Variants in CDH2 observed in about 807,000 individuals in gnomAD.
The protein encoded by CDH2 is cadherin-2.
In CDH2, 17 loss-of-function variants were observed where a neutral mutation model predicts 92.0. That is an observed-to-expected ratio of 0.18 (90% CI 0.13 to 0.28). The LOEUF is 0.28. CDH2 is among the 10% of genes least tolerant of loss of function. CDH2 has a pLI of 1.00. For synonymous variants in CDH2, 419 were observed against 415.9 expected, an observed-to-expected ratio of 1.01 and a Z score of -0.09; for missense variants, 862 against 1,133.1, an observed-to-expected ratio of 0.76 and a Z score of 3.44.
intron 2 of CDH2, among the ~76,000 whole-genome samples, chr18:28,137,867 A>G (rs1036994543): frequency 2.6e-5 from 4 of 152,184 alleles, no homozygotes; most frequent in African/African-American, 9.6e-5. Context: ...TTACTTTCAT[A>G]TATCTGCAGT....
chr18:28,154,488 T>C (rs1258724221), intron 1 of CDH2, among the ~76,000 whole-genome samples: 1 of 152,250 alleles, frequency 6.6e-6, no homozygotes, highest in Non-Finnish European at 1.5e-5. Flanking sequence ...TCGACCTCCT[T>C]GTCTAGAGAG....
intron 9 of CDH2, 56 bp downstream of exon 9, chr18:27,992,599 A>G: frequency 7.0e-7 from 1 of 1,424,054 alleles, no homozygotes; most frequent in Non-Finnish European, 9.7e-7. Context: ...TGGGGGACAT[A>G]TATTGGTCCT....
chr18:28,014,403 C>A (rs1271768362), intron 2 of CDH2, among the ~76,000 whole-genome samples: 2 of 152,082 alleles, frequency 1.3e-5, no homozygotes, highest in East Asian at 3.8e-4. Context: ...TCCTGCATAC[C>A]CTGCATACTT....
downstream of CDH2, among the ~76,000 whole-genome samples, chr18:27,947,416 C>G (rs375054311): frequency 1.3e-5 from 2 of 151,714 alleles, no homozygotes; most frequent in Non-Finnish European, 3.0e-5. Context: ...AAACTGTTAG[C>G]TTTTCACAAT....
intron 6 of CDH2, among the ~76,000 whole-genome samples, chr18:27,933,522 C>T (rs1327951513): frequency 6.6e-6 from 1 of 152,064 alleles, no homozygotes; most frequent in Non-Finnish European, 1.5e-5. Context: ...CAATAAGTAG[C>T]TCTCTGTTTG....
intron 6 of CDH2, among the ~76,000 whole-genome samples, chr18:27,934,779 A>G (rs1038804023): frequency 2.0e-5 from 3 of 152,184 alleles, no homozygotes; most frequent in Non-Finnish European, 4.4e-5. Flanking sequence ...CACTGGAAGC[A>G]AGTGGAAGAT....
intron 15 of CDH2, among the ~76,000 whole-genome samples, chr18:27,953,757 C>T (rs1909577363): frequency 6.6e-6 from 1 of 152,114 alleles, no homozygotes; most frequent in Admixed American, 6.5e-5. Flanking sequence ...ACCTCATCTA[C>T]AACTGTAATC....
chr18:28,146,808 T>C (rs1470422581), intron 2 of CDH2: 1 of 152,118 alleles, frequency 6.6e-6, no homozygotes, highest in African/African-American at 2.4e-5. Flanking sequence ...AGCAGCTCTC[T>C]AAAACAGCCT....
At position 28,144,541 on chromosome 18, in the gene CDH2, T is replaced by C. The variant is rs568034235; in HGVS notation, c.172+3132A>G. ...TCCCTTTGACCTAGTAATTCTATTT[T>C]TGAACACAAATTCCCCCAAAAAAAT... On this transcript the variant is annotated intron_variant, in intron 2 of 15. Transcript: ENST00000269141. Among the ~76,000 whole-genome samples the C allele has an allele frequency of 3.9e-5, 6 of 152,148 alleles. No individual in the cohort carries two copies. The South Asian group carries it at 1.2e-3, about 32-fold the overall frequency.
At chr18:28,087,835 G>A (rs914707969) in intron 2 of CDH2, among the ~76,000 whole-genome samples, 6 of 150,120 alleles carry the variant, frequency 4.0e-5, no homozygotes, top group Admixed American at 2.0e-4. Context: ...AAAAAATAAG[G>A]CTGACCAAAC....
intron 2 of CDH2, among the ~76,000 whole-genome samples, chr18:28,018,381 G>A (rs2013313711): frequency 1.3e-5 from 2 of 152,060 alleles, no homozygotes; most frequent in Admixed American, 6.6e-5. Flanking sequence ...CACAGAACTG[G>A]AAAAACCAAT....
At chr18:27,983,147 C>G (rs184569306) in intron 13 of CDH2, 64 bp from the exon 14 acceptor site, 3 of 1,256,260 alleles carry the variant, frequency 2.4e-6, no homozygotes, top group Non-Finnish European at 3.4e-6. Context: ...TATTTAGTCA[C>G]AGTATTCAGT....
chr18:28,014,632 G>A (rs1316367101), intron 2 of CDH2, among the ~76,000 whole-genome samples: 1 of 151,730 alleles, frequency 6.6e-6, no homozygotes, highest in African/African-American at 2.4e-5. Flanking sequence ...AAATAAAGGT[G>A]TATCCCAAAA....
At chr18:28,013,312 T>A (rs1287172258) in intron 3 of CDH2, among the ~76,000 whole-genome samples, 1 of 152,180 alleles carries the variant, frequency 6.6e-6, no homozygotes, top group Non-Finnish European at 1.5e-5. Context: ...TTCCTGTTAC[T>A]ACTTTAAATC....
intron 2 of CDH2, among the ~76,000 whole-genome samples, chr18:28,138,225 A>C (rs1198446485): frequency 6.6e-6 from 1 of 151,836 alleles, no homozygotes; most frequent in Non-Finnish European, 1.5e-5. Context: ...TGAAGCTAGG[A>C]CCTTAAAAAA....
At chr18:28,062,630 T>C (rs550385304) in intron 2 of CDH2, among the ~76,000 whole-genome samples, 1 of 152,328 alleles carries the variant, frequency 6.6e-6, no homozygotes, top group Admixed American at 6.5e-5. Flanking sequence ...TTTCCAAATT[T>C]TAATGATGCA....
chr18:28,037,937 C>A (rs1384763407), intron 2 of CDH2, among the ~76,000 whole-genome samples: 1 of 152,016 alleles, frequency 6.6e-6, no homozygotes, highest in Non-Finnish European at 1.5e-5. Flanking sequence ...AAGAAAGAAT[C>A]CACAGGAATG....
intron 2 of CDH2, chr18:28,045,674 C>G (rs1008439960): frequency 1.8e-5 from 5 of 273,992 alleles, no homozygotes; most frequent in South Asian, 7.3e-5. Context: ...AGCCCTCCCC[C>G]ACATGTGTGC....
intron 6 of CDH2, among the ~76,000 whole-genome samples, chr18:27,936,438 C>T (rs753211799): frequency 5.9e-5 from 9 of 152,144 alleles, no homozygotes; most frequent in Non-Finnish European, 1.3e-4. Context: ...ATCTGACTAC[C>T]TACAGATTCC....
Sources: gnomAD v4.1 joint callset for allele counts (sites outside exome capture counted in the v4.1 genomes callset) on GRCh38, gnomAD v4.1.1 for gene constraint, MANE v1.5 for transcripts, NCBI Gene and HGNC (gene_info 2026-07-23, HGNC 2026-07-21) for gene names.